The following CADM1 variants were observed in gnomAD, a reference collection of about 807,000 sequenced individuals.
CADM1 encodes TSLC-1.
A neutral mutation model predicts 53.1 loss-of-function variants in CADM1; 15 were observed. That is an observed-to-expected ratio of 0.28 (90% CI 0.19 to 0.44). The LOEUF (loss-of-function observed/expected upper bound fraction) is 0.44. Ranked by LOEUF, CADM1 falls within the 20% of genes least tolerant of loss-of-function variation. The pLI is 1.00. For synonymous variants in CADM1, 281 were observed against 243.0 expected, an observed-to-expected ratio of 1.16 and a Z score of -1.45; for missense variants, 434 against 611.3, an observed-to-expected ratio of 0.71 and a Z score of 3.06.
At chr11:115,401,756 T>C (rs960780354) in intron 1 of CADM1, among the ~76,000 whole-genome samples, 1 of 152,228 alleles carries the variant, frequency 6.6e-6, no homozygotes, top group African/African-American at 2.4e-5. Context: ...ACCGACAGAA[T>C]GGACAACACC....
intron 10 of CADM1, among the ~76,000 whole-genome samples, chr11:115,183,347 A>G (rs1481159190): frequency 1.3e-5 from 2 of 152,234 alleles, no homozygotes; most frequent in Non-Finnish European, 1.5e-5. Flanking sequence ...ACCACCTGGC[A>G]TGAGATGTGT....
chr11:115,344,727 T>C (rs572406671), intron 1 of CADM1, among the ~76,000 whole-genome samples: 4 of 152,278 alleles, frequency 2.6e-5, no homozygotes, highest in Admixed American at 6.5e-5. Context: ...CCATTTCTCA[T>C]ACCCTGACTA....
intron 1 of CADM1, among the ~76,000 whole-genome samples, chr11:115,337,579 C>G (rs1945300299): frequency 6.6e-6 from 1 of 152,076 alleles, no homozygotes; most frequent in Admixed American, 6.6e-5. Flanking sequence ...TCCCTTGGCT[C>G]TTTACTAATG....
chr11:115,493,601 C>G (rs1210561253), intron 1 of CADM1, among the ~76,000 whole-genome samples: 22 of 152,126 alleles, frequency 1.4e-4, no homozygotes, highest in Admixed American at 1.4e-3. Context: ...CACCTACACT[C>G]AGTAACTAAA....
At chr11:115,332,958 AG>A (rs976026054) in intron 1 of CADM1, among the ~76,000 whole-genome samples, 1 of 152,122 alleles carries the variant, frequency 6.6e-6, no homozygotes, top group Non-Finnish European at 1.5e-5. Context: ...TTTTCTCCCC[AG>A]GAACTCTTCA....
At chr11:115,464,574 C>T (rs1449110279) in intron 1 of CADM1, among the ~76,000 whole-genome samples, 1 of 152,120 alleles carries the variant, frequency 6.6e-6, no homozygotes, top group Non-Finnish European at 1.5e-5. Context: ...ACTCAAAGAC[C>T]TCATAGATTA....
intron 1 of CADM1, among the ~76,000 whole-genome samples, chr11:115,431,061 C>T (rs193287334): frequency 5.9e-4 from 90 of 152,168 alleles, no homozygotes; most frequent in African/African-American, 2.1e-3. Flanking sequence ...AGTACTTTCA[C>T]CACCTTAATT....
At chr11:115,177,264 G>A (rs373125197) in intron 11 of CADM1, among the ~76,000 whole-genome samples, 11 of 152,258 alleles carry the variant, frequency 7.2e-5, no homozygotes, top group African/African-American at 2.4e-4. Flanking sequence ...ACTCTAGCCC[G>A]GACCCGGATT....
At chr11:115,429,398 T>A (rs1381090609) in intron 1 of CADM1, among the ~76,000 whole-genome samples, 2 of 151,882 alleles carry the variant, frequency 1.3e-5, no homozygotes, top group African/African-American at 4.8e-5. Context: ...TCCCCTGAGC[T>A]CGAGACGAGT....
intron 1 of CADM1, among the ~76,000 whole-genome samples, chr11:115,439,469 A>G (rs1050600642): frequency 1.3e-5 from 2 of 152,180 alleles, no homozygotes; most frequent in African/African-American, 2.4e-5. Flanking sequence ...TGGCCCATGA[A>G]TCACCAATTT....
chr11:115,224,429 G>GCA (rs937457978), intron 5 of CADM1, among the ~76,000 whole-genome samples: 3 of 152,096 alleles, frequency 2.0e-5, no homozygotes, highest in Non-Finnish European at 4.4e-5. Flanking sequence ...GATAATCAGA[G>GCA]CAGGCATGGC....
At position 115,426,162 on chromosome 11, in the gene CADM1, G is replaced by A. The variant is rs941542536; in HGVS notation, c.124+78109C>T. Among the ~76,000 whole-genome samples the A allele has an allele frequency of 5.9e-5, 9 of 152,284 alleles. No individual in the cohort carries two copies. In the South Asian group the frequency reaches 1.0e-3, roughly 18 times the overall value. On this transcript the variant is annotated intron_variant, in intron 1 of 11. Coordinates refer to ENST00000331581, the MANE Select transcript of CADM1 (RefSeq NM_001301043.2). ...GCAGCACCAGGCATCTCCCAAACAC[G>A]AATTTTCTTTTGAGCTTCAGGAATG... is the stretch of plus-strand genomic sequence containing the variant.
intron 1 of CADM1, among the ~76,000 whole-genome samples, chr11:115,499,057 T>C (rs1295519913): frequency 1.3e-5 from 2 of 151,442 alleles, no homozygotes; most frequent in African/African-American, 4.8e-5. Flanking sequence ...ATCTGATCAA[T>C]GTAAAAAAAA....
chr11:115,206,128 T>C (rs1436626591), intron 8 of CADM1, among the ~76,000 whole-genome samples: 4 of 152,348 alleles, frequency 2.6e-5, no homozygotes, highest in African/African-American at 9.6e-5. Context: ...GAAGATCTTA[T>C]GGAATTTATT....
intron 1 of CADM1, among the ~76,000 whole-genome samples, chr11:115,327,497 A>C (rs1944989058): frequency 6.6e-6 from 1 of 150,686 alleles, no homozygotes; most frequent in African/African-American, 2.4e-5. Context: ...CAAAAAGTAC[A>C]CTTTTGATTG....
At chr11:115,350,781 G>A (rs903025995) in intron 1 of CADM1, among the ~76,000 whole-genome samples, 32 of 151,908 alleles carry the variant, frequency 2.1e-4, no homozygotes, top group African/African-American at 7.5e-4. Context: ...CTTCAACACT[G>A]TTTAGCTAAA....
chr11:115,250,801 C>T (rs1942579725), intron 1 of CADM1, among the ~76,000 whole-genome samples: 1 of 152,130 alleles, frequency 6.6e-6, no homozygotes, highest in Non-Finnish European at 1.5e-5. Flanking sequence ...CTCCATTACA[C>T]AGACAAGGAA....
chr11:115,206,758 C>CTTTTTGTTTTTTTTTTTTTTTTTTTT (rs1940707356), intron 8 of CADM1, among the ~76,000 whole-genome samples: 1 of 38,206 alleles, frequency 2.6e-5, no homozygotes, highest in Non-Finnish European at 4.5e-5. Context: ...CTGTGGACTT[C>CTTTTTGTTTTTTTTTTTTTTTTTTTT]TTTTTTTTTT....
chr11:115,224,116 C>A (rs1941511704), intron 5 of CADM1, among the ~76,000 whole-genome samples: 1 of 151,982 alleles, frequency 6.6e-6, no homozygotes, highest in African/African-American at 2.4e-5. Context: ...CTCTTGGGAA[C>A]TAAGTGTTAT....
Sources: allele counts gnomAD v4.1 joint callset (sites outside exome capture counted in the v4.1 genomes callset), GRCh38; gene constraint gnomAD v4.1.1; transcripts MANE v1.5; gene names NCBI Gene and HGNC (gene_info 2026-07-23, HGNC 2026-07-21).